Variants in PKHD1L1 observed in about 807,000 individuals in gnomAD.
PKHD1L1 encodes fibrocystin-L.
A neutral mutation model predicts 462.9 loss-of-function variants in PKHD1L1; 434 were observed. That is an observed-to-expected ratio of 0.94 (90% CI 0.87 to 1.02). PKHD1L1 has a LOEUF of 1.02. PKHD1L1 is among the 50% of genes least tolerant of loss of function. The probability of loss-of-function intolerance (pLI) is 0.00; values close to 1 mark genes in which losing one functional copy is unlikely to be tolerated. For synonymous variants in PKHD1L1, 1,781 were observed against 1,750.0 expected (o/e 1.02, Z -0.44); for missense variants, 5,202 against 5,096.1 (o/e 1.02, Z -0.63).
Position 109,454,224 on chromosome 8 carries a change from T to C in PKHD1L1, c.6722T>C (p.Ile2241Thr), listed in dbSNP as rs1232522850. ...GAACTCCAGGCAGAAAATATTCTAA[T>C]TACAGATGGAGGTGTTCTTCAGGTA... ...DIELQAENIL[I>T]TDGGVLQIGT... is the part of the protein sequence containing the mutation. Residue 2241 changes from isoleucine to threonine, a missense_variant, in exon 44 of 78, where the codon ATT (isoleucine) becomes ACT (threonine). Around this residue, in one of 3 missense-constraint regions of PKHD1L1, gnomAD observed 4,497 missense variants for 4,336.8 expected, o/e 1.04. Coordinates refer to ENST00000378402, the MANE Select transcript of PKHD1L1 (RefSeq NM_177531.6). The C allele has an allele frequency of 6.2e-7, 1 of 1,607,214 alleles. No individual in the cohort carries two copies.
chr8:109,497,116 C>T (rs540622837), intron 64 of PKHD1L1, 34 bp from the exon 65 acceptor site: 17 of 1,612,326 alleles, frequency 1.1e-5, no homozygotes, highest in Non-Finnish European at 1.4e-5. Flanking sequence ...TATGATTGTC[C>T]TTAGTATTAT....
Position 109,464,359 on chromosome 8 carries a change from C to G in PKHD1L1, c.7527C>G (p.His2509Gln). The change falls in exon 49 of 78, where the codon CAC becomes CAG. Residue 2509 changes from histidine (H) to glutamine (Q), a missense_variant. Coordinates refer to ENST00000378402, the MANE Select transcript of PKHD1L1 (RefSeq NM_177531.6). Reference protein sequence around the residue: ...YNRAVTIHNTHHLLVERNIIY... With the variant: ...YNRAVTIHNTQHLLVERNIIY... ...GAGCTGTTACTATTCATAACACACA[C>G]CATCTTCTGGTTGAGAGGAATATTA... 1.2e-6 allele frequency: 2 copies of G among 1,613,284 alleles called. No individual in the cohort carries two copies. The highest frequency in any genetic ancestry group is 8.5e-7 in the Non-Finnish European group (1 of 1,179,554).
intron 16 of PKHD1L1, among the ~76,000 whole-genome samples, 165 bp downstream of exon 16, chr8:109,405,295 T>A (rs1168773912): frequency 1.3e-5 from 2 of 152,194 alleles, no homozygotes; most frequent in African/African-American, 4.8e-5. Context: ...CAGACTGGGA[T>A]AGAAAATGAC....
At chr8:109,376,833 A>G (rs1405203751) in intron 2 of PKHD1L1, among the ~76,000 whole-genome samples, 2 of 152,204 alleles carry the variant, frequency 1.3e-5, no homozygotes, top group Non-Finnish European at 1.5e-5. Flanking sequence ...GAGGGGTTAT[A>G]TCTTGCCCAA....
chr8:109,392,458 A>G (rs996169727), intron 9 of PKHD1L1, among the ~76,000 whole-genome samples: 3 of 152,160 alleles, frequency 2.0e-5, no homozygotes, highest in African/African-American at 7.2e-5. Context: ...ACTGCATTAA[A>G]TTGTTGATTC....
In PKHD1L1 at chr8:109,451,104, G is replaced by GT. The variant is rs1563558698; in HGVS notation, c.6306dup (p.Thr2103TyrfsTer16). ...ACTGCAGTATCTCCTAAGAGAGGCA[G>GT]TACAGCAGGGGGCACCAGACTGACA... On this transcript the variant is annotated frameshift_variant, in exon 41 of 78. Transcript: ENST00000378402. LOFTEE classifies it high-confidence loss of function. 6.2e-7 allele frequency: 1 copy of GT among 1,613,128 alleles called. No homozygotes were observed. The highest frequency in any genetic ancestry group is 1.1e-5 in the South Asian group (1 of 90,956).
chr8:109,536,648 C>T lies in PKHD1L1; in HGVS notation c.*6558C>T, dbSNP rs1413833370. Among the ~76,000 whole-genome samples the T allele has an allele frequency of 6.6e-6, 1 of 152,060 alleles. No homozygotes were observed. The highest frequency in any genetic ancestry group is 2.4e-5 in the African/African-American group (1 of 41,406). On this transcript the variant is annotated 3_prime_UTR_variant, in exon 78 of 78. Coordinates refer to ENST00000378402, the MANE Select transcript of PKHD1L1 (RefSeq NM_177531.6). Reference sequence around the variant, plus strand: ...CACTGAACACAAAATGAGAATTCACCTCATCTTTTCATTTGAATTTATTTC... The same window carrying T: ...CACTGAACACAAAATGAGAATTCACTTCATCTTTTCATTTGAATTTATTTC...
intron 67 of PKHD1L1, among the ~76,000 whole-genome samples, chr8:109,502,308 G>C (rs1014779550): frequency 3.9e-5 from 6 of 152,122 alleles, no homozygotes; most frequent in Non-Finnish European, 7.3e-5. Flanking sequence ...GGCCATACTA[G>C]TGTATAATTC....
intron 60 of PKHD1L1, 42 bp downstream of exon 60, chr8:109,490,097 CAAA>C: frequency 3.3e-6 from 4 of 1,209,942 alleles, no homozygotes; most frequent in Non-Finnish European, 4.6e-6. Context: ...TAAAAATATG[CAAA>C]ATATTTTTAT....
At chr8:109,415,270 T>C (rs1814088862) in intron 21 of PKHD1L1, among the ~76,000 whole-genome samples, 1 of 151,966 alleles carries the variant, frequency 6.6e-6, no homozygotes, top group Non-Finnish European at 1.5e-5. Flanking sequence ...CCTCCCAAAG[T>C]CCTGGGATTA....
At chr8:109,484,003 G>C (rs182745031) in intron 57 of PKHD1L1, among the ~76,000 whole-genome samples, 6 of 151,880 alleles carry the variant, frequency 4.0e-5, no homozygotes, top group African/African-American at 1.2e-4. Context: ...TCATCTCCAA[G>C]CTCTCAGATC....
rs1482173199 is a variant in PKHD1L1 at position 109,530,743 on chromosome 8, G to C, written c.*653G>C. On this transcript the variant is annotated 3_prime_UTR_variant, in exon 78 of 78. Transcript: ENST00000378402. ...TCCTTGGAATGAACTTTTGGAACAA[G>C]TCCAAACTCCTTCTCTGCCTACCCC... Among the ~76,000 whole-genome samples the C allele has an allele frequency of 6.6e-6, 1 of 152,056 alleles. No individual in the cohort carries two copies.
intron 16 of PKHD1L1, among the ~76,000 whole-genome samples, 195 bp downstream of exon 16, chr8:109,405,325 T>C (rs1426978451): frequency 6.6e-6 from 1 of 152,198 alleles, no homozygotes; most frequent in East Asian, 1.9e-4. Flanking sequence ...AATAACTTTG[T>C]GGCATATACC....
chr8:109,398,639 A>C (rs1813097541), intron 12 of PKHD1L1, 91 bp downstream of exon 12: 8 of 517,088 alleles, frequency 1.5e-5, no homozygotes, highest in South Asian at 6.9e-5. Context: ...TAGAATTTAG[A>C]ATTTGTAGTA....
rs1586539678 is a variant in PKHD1L1, at chr8:109,449,375, C to T, written c.6063C>T (p.Gly2021=). The change falls in exon 40 of 78, where the codon GGC becomes GGT. Residue 2021 remains glycine, a synonymous_variant. Transcript: ENST00000378402. ...FGGGQTMTVT[G]TGFNPQNSII... is the part of the protein sequence containing the mutation. ...GGGGTCAAACCATGACTGTGACAGG[C>T]ACCGGATTTAATCCACAAAATTCAA... 2 of 1,581,856 alleles carry T rather than the reference C, an allele frequency of 1.3e-6. No homozygotes were observed. The highest frequency in any genetic ancestry group is 1.7e-6 in the Non-Finnish European group (2 of 1,162,516).
At chr8:109,528,493 C>T (rs983954841) in intron 77 of PKHD1L1, among the ~76,000 whole-genome samples, 2 of 152,138 alleles carry the variant, frequency 1.3e-5, no homozygotes, top group East Asian at 3.9e-4. Flanking sequence ...CAAATCATTT[C>T]CAGAAAGAAT....
intron 63 of PKHD1L1, among the ~76,000 whole-genome samples, chr8:109,496,426 ACAGTAAGCTCTAC>A (rs1282330930): frequency 1.3e-5 from 2 of 152,210 alleles, no homozygotes; most frequent in African/African-American, 2.4e-5. Flanking sequence ...CATTTCACAG[ACAGTAAGCTCTAC>A]CAAGTTTAGG....
At chr8:109,529,787 T>A (rs1188167370) in intron 77 of PKHD1L1, among the ~76,000 whole-genome samples, 1 of 152,124 alleles carries the variant, frequency 6.6e-6, no homozygotes, top group African/African-American at 2.4e-5. Flanking sequence ...TCTGAATGAA[T>A]AATATATTAC....
At chr8:109,506,309 G>A (rs1301284019) in intron 68 of PKHD1L1, among the ~76,000 whole-genome samples, 4 of 152,080 alleles carry the variant, frequency 2.6e-5, no homozygotes, top group African/African-American at 9.7e-5. Flanking sequence ...CTAGCCGTAG[G>A]AGTCCAAAGT....
Sources: gnomAD v4.1 joint callset for allele counts (sites outside exome capture counted in the v4.1 genomes callset) on GRCh38, gnomAD v4.1.1 for gene constraint, gnomAD v4.1.1 regional missense constraint, MANE v1.5 for transcripts, NCBI Gene and HGNC (gene_info 2026-07-23, HGNC 2026-07-21) for gene names.